Variants in RELN observed in about 807,000 individuals in gnomAD.
RELN encodes reelin.
Under a neutral mutation model 427.6 loss-of-function variants are expected in RELN, and 108 were observed. The observed-to-expected ratio is 0.25, with a 90% CI of 0.22 to 0.30. RELN has a LOEUF of 0.30. Ranked by LOEUF, RELN falls within the 10% of genes least tolerant of loss-of-function variation. The probability of loss-of-function intolerance (pLI) is 1.00; values close to 1 mark genes in which losing one functional copy is unlikely to be tolerated. For missense variants in RELN, 3,715 were observed against 4,302.8 expected, an observed-to-expected ratio of 0.86 and a Z score of 3.82; for synonymous variants, 1,524 against 1,513.4, an observed-to-expected ratio of 1.01 and a Z score of -0.16.
intron 8 of RELN, among the ~76,000 whole-genome samples, chr7:103,716,875 G>A (rs1232192978): frequency 6.6e-6 from 1 of 152,164 alleles, no homozygotes; most frequent in Non-Finnish European, 1.5e-5. Context: ...AACGGGATGA[G>A]TTTTCATGGA....
At chr7:103,820,916 C>T (rs1792998532) in intron 3 of RELN, among the ~76,000 whole-genome samples, 1 of 151,908 alleles carries the variant, frequency 6.6e-6, no homozygotes. Context: ...GAGAGAAAAA[C>T]TTTAAAGCAT....
At chr7:103,771,117 A>G (rs911707946) in intron 4 of RELN, among the ~76,000 whole-genome samples, 1 of 151,408 alleles carries the variant, frequency 6.6e-6, no homozygotes, top group Non-Finnish European at 1.5e-5. Context: ...GGGTTTCACT[A>G]TGTTGGCCAG....
intron 2 of RELN, among the ~76,000 whole-genome samples, chr7:103,908,480 G>A (rs1458408715): frequency 1.3e-5 from 2 of 152,100 alleles, no homozygotes; most frequent in African/African-American, 4.8e-5. Flanking sequence ...AAGAAACAGG[G>A]CTGGGCATGG....
rs1828848764 is a variant in RELN, at chr7:103,496,602, A to G, written c.9117T>C (p.Ala3039=). 1 of 1,614,168 alleles carries G rather than the reference A, an allele frequency of 6.2e-7. No individual in the cohort carries two copies. Among genetic ancestry groups the G allele is most frequent in the Non-Finnish European group, 8.5e-7 (1 of 1,180,002 alleles). The change falls in exon 56 of 65, where the codon GCT becomes GCC. Residue 3039 remains alanine (A), a synonymous_variant. Coordinates refer to ENST00000428762, the MANE Select transcript of RELN (RefSeq NM_005045.4). ...NGIVVSGVER[A]QWALDNILIG... is the part of the protein sequence containing the mutation. ...TCAAAATGTTGTCCAGTGCCCACTG[A>G]GCACGCTCCACCCCAGAGACCACAA...
At chr7:103,525,038 C>T (rs978248935) in intron 46 of RELN, among the ~76,000 whole-genome samples, 2 of 152,118 alleles carry the variant, frequency 1.3e-5, no homozygotes, top group African/African-American at 4.8e-5. Flanking sequence ...CACTGTTTCT[C>T]CCCTCAGGCG....
chr7:103,760,222 T>C (rs1791264228), intron 4 of RELN, among the ~76,000 whole-genome samples: 1 of 151,610 alleles, frequency 6.6e-6, no homozygotes, highest in Non-Finnish European at 1.5e-5. Context: ...TCAATTCAGT[T>C]TGTCCAGGAG....
intron 16 of RELN, among the ~76,000 whole-genome samples, chr7:103,644,170 G>A (rs1391251254): frequency 1.3e-5 from 2 of 151,876 alleles, no homozygotes; most frequent in African/African-American, 2.4e-5. Context: ...CTTGAGATGA[G>A]AAGGAAGCAG....
intron 3 of RELN, among the ~76,000 whole-genome samples, chr7:103,793,521 T>C (rs1321558540): frequency 1.3e-5 from 2 of 152,204 alleles, no homozygotes; most frequent in Admixed American, 1.3e-4. Context: ...AATTCCAGCA[T>C]TGCCATGTTG....
chr7:103,953,458 G>A lies in RELN; in HGVS notation c.226+35673C>T, dbSNP rs1195349609. Among the ~76,000 whole-genome samples the A allele has an allele frequency of 6.6e-6, 1 of 152,094 alleles. No individual in the cohort carries two copies. Among genetic ancestry groups the A allele is most frequent in the Non-Finnish European group, 1.5e-5 (1 of 68,016 alleles). On this transcript the variant is annotated intron_variant, in intron 1 of 64. Transcript: ENST00000428762. The surrounding 1 kb of genome is among the most constrained non-coding windows in gnomAD (Gnocchi z 4.3). ...TAGCTTCATTGAAAGCAGTTCTAAT[G>A]TGCTCTTGACAAATCACATTTTGGC...
chr7:103,833,653 C>G lies in RELN; in HGVS notation c.357G>C (p.Gln119His). 6.2e-7 allele frequency: 1 copy of G among 1,613,846 alleles called. No individual in the cohort carries two copies. The highest frequency in any genetic ancestry group is 1.7e-5 in the Admixed American group (1 of 59,982). ...AFGFGIMSDH[Q>H]FGNQFMCSVV... ...CACTGCACATAAACTGGTTACCAAA[C>G]TGGTGGTCAGACATGATCCCTAAGA... Residue 119 changes from glutamine to histidine, a missense_variant, in exon 3 of 65, where the codon CAG becomes CAC. Gln to His is a conservative substitution (Grantham distance 24). Around this residue, in one of 4 missense-constraint regions of RELN, gnomAD observed 2,208 missense variants for 2,361.7 expected, o/e 0.93. Transcript: ENST00000428762.
intron 19 of RELN, among the ~76,000 whole-genome samples, chr7:103,634,793 T>C (rs1202898654): frequency 1.3e-5 from 2 of 152,052 alleles, no homozygotes; most frequent in African/African-American, 4.8e-5. Flanking sequence ...ATTTATAATT[T>C]AGTGCCATAT....
chr7:103,660,592 C>G (rs1167917988), intron 12 of RELN, among the ~76,000 whole-genome samples: 1 of 152,154 alleles, frequency 6.6e-6, no homozygotes, highest in African/African-American at 2.4e-5. Context: ...CTCAGGAGAT[C>G]TGTTTGTCCT....
chr7:103,739,803 T>C (rs1001963143), intron 6 of RELN, among the ~76,000 whole-genome samples: 1 of 152,226 alleles, frequency 6.6e-6, no homozygotes, highest in Admixed American at 6.5e-5. Context: ...AGAAGGAATC[T>C]ATGCTCTGCA....
chr7:103,978,168 T>C (rs1028468220), intron 1 of RELN, among the ~76,000 whole-genome samples: 5 of 152,216 alleles, frequency 3.3e-5, no homozygotes, highest in Non-Finnish European at 7.3e-5. Context: ...AATAGATCTC[T>C]TGAATGTATT....
At chr7:103,865,540 G>A (rs1019061792) in intron 2 of RELN, among the ~76,000 whole-genome samples, 2 of 152,038 alleles carry the variant, frequency 1.3e-5, no homozygotes, top group Non-Finnish European at 2.9e-5. Flanking sequence ...GCTCATACAG[G>A]ACCATATTCC....
At chr7:103,754,200 A>G (rs1446748673) in intron 4 of RELN, among the ~76,000 whole-genome samples, 3 of 152,104 alleles carry the variant, frequency 2.0e-5, no homozygotes, top group Admixed American at 6.6e-5. Context: ...TATCTCATTA[A>G]TAGTTTTAAA....
chr7:103,802,643 T>C (rs947187047), intron 3 of RELN, among the ~76,000 whole-genome samples: 2 of 152,086 alleles, frequency 1.3e-5, no homozygotes, highest in Non-Finnish European at 2.9e-5. Flanking sequence ...GTGCATTAAA[T>C]CCCTAAGAAA....
chr7:103,888,207 C>T (rs537134581), intron 2 of RELN, among the ~76,000 whole-genome samples: 5 of 150,124 alleles, frequency 3.3e-5, no homozygotes, highest in African/African-American at 9.8e-5. Flanking sequence ...GACATCTGGA[C>T]CTGAGCTCTT....
At chr7:103,971,934 G>A (rs1278785663) in intron 1 of RELN, among the ~76,000 whole-genome samples, 5 of 152,088 alleles carry the variant, frequency 3.3e-5, no homozygotes, top group African/African-American at 4.8e-5. Context: ...TTAGCTGGGC[G>A]TGGTGGCCTG....
Sources: gnomAD v4.1 joint callset for allele counts (sites outside exome capture counted in the v4.1 genomes callset) on GRCh38, gnomAD v4.1.1 for gene constraint, gnomAD v4.1.1 regional missense constraint, Gnocchi (gnomAD v3.1) non-coding constraint, MANE v1.5 for transcripts, NCBI Gene and HGNC (gene_info 2026-07-23, HGNC 2026-07-21) for gene names.